ZNF385D: variants seen among roughly 807,000 people sequenced by gnomAD.
ZNF385D encodes the protein zinc finger protein 659.
A neutral mutation model predicts 35.8 loss-of-function variants in ZNF385D; 15 were observed. The ratio of observed to expected loss-of-function variants is 0.42; its 90% CI spans 0.28 to 0.64. ZNF385D has a LOEUF of 0.64. Ranked by LOEUF, ZNF385D falls within the 30% of genes least tolerant of loss-of-function variation. ZNF385D has a pLI of 0.23. For missense variants in ZNF385D, 474 were observed against 494.6 expected, an observed-to-expected ratio of 0.96 and a Z score of 0.39; for synonymous variants, 212 against 186.8, an observed-to-expected ratio of 1.13 and a Z score of -1.10.
chr3:22,082,499 A>T (rs564291942), intron 3 of ZNF385D, among the ~76,000 whole-genome samples: 1 of 152,180 alleles, frequency 6.6e-6, no homozygotes, highest in South Asian at 2.1e-4. Context: ...TATCTGGGGG[A>T]GGGATGTCCA....
intron 3 of ZNF385D, among the ~76,000 whole-genome samples, chr3:21,994,069 C>T (rs1010053573): frequency 6.6e-6 from 1 of 152,134 alleles, no homozygotes; most frequent in African/African-American, 2.4e-5. Context: ...ACACAAAGTC[C>T]CTTCACAAAC....
At chr3:21,431,723 G>C (rs1361056912) in intron 5 of ZNF385D, among the ~76,000 whole-genome samples, 1 of 152,122 alleles carries the variant, frequency 6.6e-6, no homozygotes, top group African/African-American at 2.4e-5. Context: ...TGATAGACGA[G>C]TCTCTATCTT....
intron 2 of ZNF385D, among the ~76,000 whole-genome samples, chr3:22,192,326 G>C (rs1307109832): frequency 1.3e-5 from 2 of 152,150 alleles, no homozygotes; most frequent in Admixed American, 6.6e-5. Context: ...ATTGTAGCCT[G>C]AGAAAATGAA....
intron 3 of ZNF385D, among the ~76,000 whole-genome samples, chr3:22,166,302 G>A (rs1199699614): frequency 6.6e-6 from 1 of 152,082 alleles, no homozygotes; most frequent in Non-Finnish European, 1.5e-5. Flanking sequence ...ATATTTTGTT[G>A]AATAGTATAT....
chr3:21,624,853 A>T (rs568118240), intron 2 of ZNF385D, among the ~76,000 whole-genome samples: 2 of 152,188 alleles, frequency 1.3e-5, no homozygotes, highest in Non-Finnish European at 2.9e-5. Flanking sequence ...GCCAAGTTTG[A>T]ATCCATTAAA....
chr3:22,149,215 A>C (rs1414295544), intron 3 of ZNF385D, among the ~76,000 whole-genome samples: 1 of 152,166 alleles, frequency 6.6e-6, no homozygotes, highest in East Asian at 1.9e-4. Flanking sequence ...TTCTCTAAGA[A>C]TGTTACATTT....
intron 3 of ZNF385D, among the ~76,000 whole-genome samples, chr3:21,791,012 T>G (rs1430855475): frequency 6.6e-6 from 1 of 152,200 alleles, no homozygotes; most frequent in African/African-American, 2.4e-5. Flanking sequence ...CTAGTGGCAC[T>G]TGAACCAAGC....
chr3:21,728,838 C>T (rs1179374370), intron 1 of ZNF385D, among the ~76,000 whole-genome samples: 7 of 152,256 alleles, frequency 4.6e-5, no homozygotes, highest in African/African-American at 1.4e-4. Context: ...TATATTCTAA[C>T]ATTTTGTATA....
intron 2 of ZNF385D, among the ~76,000 whole-genome samples, chr3:21,638,524 A>C: frequency 6.6e-6 from 1 of 152,108 alleles, no homozygotes; most frequent in African/African-American, 2.4e-5. Flanking sequence ...GGACTTGGGA[A>C]GCAAAAGGAA....
chr3:21,580,045 G>A (rs553987757), intron 2 of ZNF385D: 30 of 152,090 alleles, frequency 2.0e-4, no homozygotes, highest in African/African-American at 5.8e-4. Context: ...CAAATGGAAC[G>A]GATGATATAA....
At chr3:22,363,860 A>T (rs1696529929) in intron 2 of ZNF385D, among the ~76,000 whole-genome samples, 1 of 152,126 alleles carries the variant, frequency 6.6e-6, no homozygotes, top group Non-Finnish European at 1.5e-5. Context: ...TATACAACTC[A>T]ATTAATTTTT....
intron 2 of ZNF385D, among the ~76,000 whole-genome samples, chr3:21,634,084 C>G (rs1219304540): frequency 6.6e-6 from 1 of 151,918 alleles, no homozygotes; most frequent in Non-Finnish European, 1.5e-5. Flanking sequence ...CTAGTCCCAG[C>G]TACTAGGGAG....
intron 4 of ZNF385D, among the ~76,000 whole-genome samples, chr3:21,482,451 A>G (rs1704695920): frequency 6.6e-6 from 1 of 152,198 alleles, no homozygotes; most frequent in South Asian, 2.1e-4. Context: ...CCTTTTACAG[A>G]AAAGGTTTAG....
intron 1 of ZNF385D, among the ~76,000 whole-genome samples, chr3:21,692,821 T>C (rs2067327557): frequency 6.6e-6 from 1 of 152,188 alleles, no homozygotes; most frequent in Non-Finnish European, 1.5e-5. Flanking sequence ...ACAATTCCCA[T>C]GTGTCTCAGG....
intron 2 of ZNF385D, among the ~76,000 whole-genome samples, chr3:21,603,108 G>A (rs1461202480): frequency 6.6e-6 from 1 of 152,130 alleles, no homozygotes; most frequent in Non-Finnish European, 1.5e-5. Flanking sequence ...AAAATAAAAT[G>A]AAATTAAAAT....
At chr3:21,824,473 G>A (rs1414604074) in intron 3 of ZNF385D, among the ~76,000 whole-genome samples, 1 of 151,958 alleles carries the variant, frequency 6.6e-6, no homozygotes, top group African/African-American at 2.4e-5. Context: ...ACACAAATAT[G>A]TCTATATGCA....
chr3:21,989,020 G>A (rs1012851835), intron 3 of ZNF385D, among the ~76,000 whole-genome samples: 7 of 152,106 alleles, frequency 4.6e-5, no homozygotes, highest in Middle Eastern at 3.4e-3. Context: ...GCTCGCGCAC[G>A]GTGCGCGCAC....
intron 3 of ZNF385D, among the ~76,000 whole-genome samples, chr3:21,996,220 C>G (rs575505512): frequency 6.6e-6 from 1 of 152,302 alleles, no homozygotes; most frequent in South Asian, 2.1e-4. Context: ...CTATACTAGT[C>G]TCAGGGTCCA....
rs142798383 is a variant in ZNF385D at position 21,915,931 on chromosome 3, C to T, written c.326-250903G>A. Among the ~76,000 whole-genome samples, 196 of 152,222 alleles carry T rather than the reference C, an allele frequency of 1.3e-3. 1 individual carries two copies. Among genetic ancestry groups the T allele is most frequent in the African/African-American group, 4.5e-3 (185 of 41,544 alleles). On this transcript the variant is annotated intron_variant, in intron 3 of 5. Coordinates refer to the ZNF385D transcript ENST00000494108. Reference sequence around the variant, plus strand: ...ACTACCATGGCTATGGCTCTTATTACACTGGCCAGTGGCAACTAAAAAGCT... The same window carrying T: ...ACTACCATGGCTATGGCTCTTATTATACTGGCCAGTGGCAACTAAAAAGCT...
Sources: allele counts gnomAD v4.1 joint callset (sites outside exome capture counted in the v4.1 genomes callset), GRCh38; gene constraint gnomAD v4.1.1; transcripts MANE v1.5; gene names NCBI Gene and HGNC (gene_info 2026-07-23, HGNC 2026-07-21).